MTMR14: variants seen among roughly 807,000 people sequenced by gnomAD.
MTMR14 encodes myotubularin related protein 14.
Under a neutral mutation model 86.3 loss-of-function variants are expected in MTMR14, and 48 were observed. That is an observed-to-expected ratio of 0.56 (90% CI 0.44 to 0.71). The LOEUF is 0.71. Among genes scored for constraint, MTMR14 ranks in the 30% least tolerant of loss-of-function variants. MTMR14 has a pLI of 0.00. For missense variants in MTMR14, 780 were observed against 834.6 expected (o/e 0.93, Z 0.81); for synonymous variants, 366 against 326.1 (o/e 1.12, Z -1.32).
chr3:9,662,854 T>A (rs1162544325), intron 3 of MTMR14, among the ~76,000 whole-genome samples: 1 of 152,234 alleles, frequency 6.6e-6, no homozygotes. Context: ...ATCTTTATTG[T>A]CATGGAGCTT....
At chr3:9,692,278 T>C (rs4684651) in intron 17 of MTMR14, among the ~76,000 whole-genome samples, 19,502 of 152,198 alleles carry the variant, frequency 0.13, 1,565 homozygotes, top group African/African-American at 0.23. Flanking sequence ...GATTCCCCCA[T>C]GGAATGAATC....
At chr3:9,685,380 C>T (rs2075907425) in intron 13 of MTMR14, 133 bp downstream of exon 13, 2 of 1,096,808 alleles carry the variant, frequency 1.8e-6, no homozygotes, top group East Asian at 4.8e-5. Flanking sequence ...CCTGTCATCT[C>T]CTCCTGAGGC....
chr3:9,663,501 CTTTTTTTTTTTTT>C (rs4021721), intron 3 of MTMR14, among the ~76,000 whole-genome samples: 1 of 69,964 alleles, frequency 1.4e-5, no homozygotes, highest in Non-Finnish European at 2.9e-5. Context: ...GAGTCTCTCT[CTTTTTTTTTTTTT>C]TTTTTTTTTT....
chr3:9,681,804 T>G (rs924828037), intron 9 of MTMR14, among the ~76,000 whole-genome samples: 2 of 152,222 alleles, frequency 1.3e-5, no homozygotes, highest in Non-Finnish European at 2.9e-5. Flanking sequence ...ATGTGGACTT[T>G]GGAGTCTGGC....
intron 9 of MTMR14, among the ~76,000 whole-genome samples, chr3:9,679,747 A>C (rs989655200): frequency 7.9e-5 from 12 of 152,122 alleles, no homozygotes; most frequent in Middle Eastern, 3.4e-3. Context: ...CTTGAAAGGG[A>C]CTCCTGAACT....
intron 17 of MTMR14, among the ~76,000 whole-genome samples, chr3:9,693,939 G>A (rs926129148): frequency 5.9e-5 from 9 of 152,194 alleles, no homozygotes; most frequent in Non-Finnish European, 4.4e-5. Context: ...CTATTTCCCC[G>A]TAGTTTGTTC....
At chr3:9,687,591 C>T (rs1309727376) in intron 13 of MTMR14, among the ~76,000 whole-genome samples, 1 of 151,872 alleles carries the variant, frequency 6.6e-6, no homozygotes, top group African/African-American at 2.4e-5. Flanking sequence ...TTAACCCTGG[C>T]AGTCCCAGGA....
intron 7 of MTMR14, among the ~76,000 whole-genome samples, chr3:9,673,486 C>A (rs1168548099): frequency 3.9e-5 from 6 of 152,242 alleles, no homozygotes. Flanking sequence ...GGACCTCTAA[C>A]ATCAGTGCAA....
rs1442218462 is a variant in MTMR14, at chr3:9,681,261, G to A, written c.898-1917G>A. Among the ~76,000 whole-genome samples the A allele has an allele frequency of 3.3e-5, 5 of 152,140 alleles. No homozygotes were observed. In the East Asian group the frequency reaches 5.8e-4, roughly 18 times the overall value. ...CCTCCATGTAACCGAATTGAATTCCGTAGAGGTATGCCCCTTCTTTCTGTG... is the reference window on the plus strand; with the variant it reads ...CCTCCATGTAACCGAATTGAATTCCATAGAGGTATGCCCCTTCTTTCTGTG... On this transcript the variant is annotated intron_variant, in intron 9 of 18. Transcript: ENST00000296003.
intron 16 of MTMR14, 144 bp downstream of exon 16, chr3:9,689,226 C>A: frequency 1.5e-6 from 2 of 1,317,416 alleles, no homozygotes; most frequent in Non-Finnish European, 1.0e-6. Flanking sequence ...GCTGTCTCTA[C>A]TGGGCCTCAG....
chr3:9,688,267 G>A lies in MTMR14; in HGVS notation c.1235+376G>A, dbSNP rs981528907. Among the ~76,000 whole-genome samples, 32 of 152,208 alleles carry A rather than the reference G, an allele frequency of 2.1e-4. 1 individual carries two copies. The highest frequency in any genetic ancestry group is 1.0e-4 in the Non-Finnish European group (7 of 68,042). ...TCTTGTCCTCCATGGCCTACAGCAG[G>A]AAGTGTGGCTGAACACTGCAGCCCC... On this transcript the variant is annotated intron_variant, in intron 14 of 18. Coordinates refer to ENST00000296003, the MANE Select transcript of MTMR14 (RefSeq NM_001077525.3).
intron 7 of MTMR14, among the ~76,000 whole-genome samples, chr3:9,674,389 G>T (rs1034264525): frequency 8.5e-5 from 13 of 152,190 alleles, no homozygotes; most frequent in Non-Finnish European, 1.2e-4. Context: ...CGTTCATCAT[G>T]ATGTCTATTT....
At chr3:9,674,030 A>T (rs935393572) in intron 7 of MTMR14, among the ~76,000 whole-genome samples, 1 of 152,078 alleles carries the variant, frequency 6.6e-6, no homozygotes, top group African/African-American at 2.4e-5. Context: ...ATCCTACCTA[A>T]GGGGGTCCAC....
chr3:9,675,449 G>GCTCATACAGGTA (rs1177655682), intron 7 of MTMR14: 1 of 379,612 alleles, frequency 2.6e-6, no homozygotes, highest in African/African-American at 2.1e-5. Flanking sequence ...TGACTTTGAG[G>GCTCATACAGGTA]CTCATACAGG....
intron 18 of MTMR14, among the ~76,000 whole-genome samples, chr3:9,698,445 T>C (rs1229599933): frequency 6.6e-6 from 1 of 152,244 alleles, no homozygotes; most frequent in African/African-American, 2.4e-5. Flanking sequence ...GGAAACCACC[T>C]GCCCCTGGCC....
chr3:9,655,565 A>G (rs1043375702), intron 2 of MTMR14, among the ~76,000 whole-genome samples: 8 of 143,756 alleles, frequency 5.6e-5, no homozygotes, highest in Non-Finnish European at 1.1e-4. Flanking sequence ...GGTTCAAGCA[A>G]TTCTCCTGCC....
intron 7 of MTMR14, among the ~76,000 whole-genome samples, chr3:9,673,945 A>G (rs541429387): frequency 6.6e-6 from 1 of 152,162 alleles, no homozygotes; most frequent in South Asian, 2.1e-4. Context: ...GATGATGTTG[A>G]TGATGGTGAT....
chr3:9,662,286 G>A lies in MTMR14; in HGVS notation c.328G>A (p.Val110Met), dbSNP rs1214110590. The A allele has an allele frequency of 1.2e-6, 2 of 1,613,098 alleles. No homozygotes were observed. The highest frequency in any genetic ancestry group is 1.3e-5 in the African/African-American group (1 of 74,538). Residue 110 changes from valine (V) to methionine (M), a missense_variant, in exon 3 of 19, where the codon GTG becomes ATG. Val to Met is a conservative substitution (Grantham distance 21). Coordinates refer to ENST00000296003, the MANE Select transcript of MTMR14 (RefSeq NM_001077525.3). ...TGTTAGGTTTGAGAGTACCGTACAGGTGAGCAAGTTGCAAGACCTCATCCA... is the reference window on the plus strand; with the variant it reads ...TGTTAGGTTTGAGAGTACCGTACAGATGAGCAAGTTGCAAGACCTCATCCA... ...EKDTFESTVQ[V>M]SKLQDLIHRS...
chr3:9,681,418 C>T (rs900093711), intron 9 of MTMR14, among the ~76,000 whole-genome samples: 1 of 152,184 alleles, frequency 6.6e-6, no homozygotes, highest in South Asian at 2.1e-4. Context: ...GCCAAAACAG[C>T]CTCTGCCCTC....
Sources: allele counts gnomAD v4.1 joint callset (sites outside exome capture counted in the v4.1 genomes callset), GRCh38; gene constraint gnomAD v4.1.1; transcripts MANE v1.5; gene names NCBI Gene and HGNC (gene_info 2026-07-23, HGNC 2026-07-21).